The following HMGB1 variants were observed in gnomAD, a reference collection of about 807,000 sequenced individuals.
HMGB1 encodes the protein high mobility group box 1.
For synonymous variants in HMGB1, 81 were observed against 84.0 expected (o/e 0.96, Z 0.19); for missense variants, 79 against 253.5 (o/e 0.31, Z 4.67).
intron 1 of HMGB1, chr13:30,540,284 C>T (rs1330318393): frequency 1.2e-5 from 2 of 167,046 alleles, no homozygotes; most frequent in Non-Finnish European, 2.7e-5. Flanking sequence ...TCTCCTTTCA[C>T]CTAGCAGGAG....
At chr13:30,463,425 T>C in intron 2 of HMGB1, 73 bp from the exon 3 acceptor site, 1 of 1,529,362 alleles carries the variant, frequency 6.5e-7, no homozygotes, top group Non-Finnish European at 8.9e-7. Flanking sequence ...TGTCTTTTGC[T>C]ATGTAATAGC....
intron 1 of HMGB1, among the ~76,000 whole-genome samples, chr13:30,575,338 C>T (rs769230851): frequency 2.0e-5 from 3 of 152,160 alleles, no homozygotes; most frequent in South Asian, 2.1e-4. Context: ...CTATTGACTA[C>T]GCTGACCCCA....
chr13:30,502,638 A>ATTTT (rs1200148587), intron 1 of HMGB1, among the ~76,000 whole-genome samples: 113 of 57,466 alleles, frequency 2.0e-3, no homozygotes, highest in South Asian at 0.015. Flanking sequence ...ATTTTACTTT[A>ATTTT]CTTTATTTTA....
chr13:30,570,636 G>A (rs1025188801), intron 1 of HMGB1, among the ~76,000 whole-genome samples: 2 of 152,128 alleles, frequency 1.3e-5, no homozygotes, highest in African/African-American at 4.8e-5. Context: ...TCTTGTTTAA[G>A]CACTGTATTA....
At chr13:30,554,756 G>A in intron 1 of HMGB1, 2 of 768,718 alleles carry the variant, frequency 2.6e-6, no homozygotes, top group Middle Eastern at 3.6e-4. Context: ...AGAAGGTGCA[G>A]CAGATGAAAC....
At position 30,607,488 on chromosome 13, in the gene HMGB1, G is replaced by T. The variant is rs142950517; in HGVS notation, c.-15+9183C>A. Among the ~76,000 whole-genome samples the T allele has an allele frequency of 7.8e-3, 1,188 of 152,272 alleles. 20 individuals carry two copies. The highest frequency in any genetic ancestry group is 0.027 in the African/African-American group (1,137 of 41,532). On this transcript the variant is annotated intron_variant, in intron 1 of 4. Coordinates refer to the HMGB1 transcript ENST00000405805. Reference sequence around the variant, plus strand: ...GTGCCTTGCTTCCCCTTTGCCTTCTGCCATGATTTTAAGTTTCCTGAGGCC... The same window carrying T: ...GTGCCTTGCTTCCCCTTTGCCTTCTTCCATGATTTTAAGTTTCCTGAGGCC...
chr13:30,464,761 TTGTGTG>T (rs376284891), intron 1 of HMGB1: 71 of 164,488 alleles, frequency 4.3e-4, no homozygotes, highest in South Asian at 2.6e-3. Context: ...CTCCTTCCCT[TTGTGTG>T]TGTGTGTGTG....
chr13:30,596,738 C>T (rs970477425), intron 1 of HMGB1, among the ~76,000 whole-genome samples: 8 of 152,120 alleles, frequency 5.3e-5, no homozygotes, highest in Admixed American at 2.0e-4. Flanking sequence ...GGATACAGAA[C>T]GGAATACACT....
intron 1 of HMGB1, among the ~76,000 whole-genome samples, chr13:30,599,701 C>T (rs1045186395): frequency 1.4e-4 from 21 of 152,156 alleles, no homozygotes; most frequent in Non-Finnish European, 2.5e-4. Context: ...ATCCAAATTT[C>T]CTCTTCTTAT....
At chr13:30,615,957 G>A (rs1215870304) in intron 1 of HMGB1, among the ~76,000 whole-genome samples, 1 of 152,178 alleles carries the variant, frequency 6.6e-6, no homozygotes, top group African/African-American at 2.4e-5. Context: ...GACAAGCGAT[G>A]GACGCAATTA....
At chr13:30,572,999 C>A (rs374650174) in intron 1 of HMGB1, among the ~76,000 whole-genome samples, 5 of 152,268 alleles carry the variant, frequency 3.3e-5, no homozygotes, top group African/African-American at 1.2e-4. Flanking sequence ...TGTAAGCACA[C>A]CATCAGAATC....
intron 1 of HMGB1, among the ~76,000 whole-genome samples, chr13:30,495,856 G>C (rs1887599934): frequency 6.6e-6 from 1 of 152,132 alleles, no homozygotes; most frequent in South Asian, 2.1e-4. Context: ...CAGGCCTTGA[G>C]TCATTTCTCA....
rs138432140 is a variant in HMGB1 at position 30,588,777 on chromosome 13, A to T, written c.-15+27894T>A. ...ACTAAAAATACAGAAATTAGCCGTG[A>T]ATGATGGCTCGTGCCTGTAGTCCCA... is the stretch of plus-strand genomic sequence containing the variant. On this transcript the variant is annotated intron_variant, in intron 1 of 4. Coordinates refer to the HMGB1 transcript ENST00000405805. 5.3e-3 allele frequency among the ~76,000 whole-genome samples: 805 copies of T among 151,912 alleles called. 6 individuals are homozygous for T. The highest frequency in any genetic ancestry group is 0.017 in the African/African-American group (720 of 41,476).
chr13:30,605,098 T>C (rs1421069757), intron 1 of HMGB1, among the ~76,000 whole-genome samples: 2 of 152,148 alleles, frequency 1.3e-5, no homozygotes, highest in Non-Finnish European at 2.9e-5. Flanking sequence ...TGAGGAAGAA[T>C]GTGGAATAGC....
At chr13:30,505,657 C>G (rs113559317) in intron 1 of HMGB1, among the ~76,000 whole-genome samples, 10 of 152,060 alleles carry the variant, frequency 6.6e-5, no homozygotes, top group African/African-American at 2.4e-4. Context: ...TAGAGTATAA[C>G]GAAACCCCCT....
intron 1 of HMGB1, among the ~76,000 whole-genome samples, chr13:30,503,367 G>T (rs1281415299): frequency 6.6e-6 from 1 of 151,486 alleles, no homozygotes; most frequent in Non-Finnish European, 1.5e-5. Context: ...AAAAAGTTTA[G>T]GATAAATGCA....
chr13:30,465,487 ATTTT>A (rs937545833), intron 1 of HMGB1, among the ~76,000 whole-genome samples: 2 of 148,580 alleles, frequency 1.3e-5, no homozygotes, highest in Admixed American at 6.7e-5. Flanking sequence ...CACGTTCAAA[ATTTT>A]TTTAATTAAA....
At chr13:30,533,095 G>A (rs904829648) in intron 1 of HMGB1, among the ~76,000 whole-genome samples, 3 of 152,180 alleles carry the variant, frequency 2.0e-5, no homozygotes, top group East Asian at 1.9e-4. Context: ...CCCAAAACAC[G>A]TATTTTTTCC....
At chr13:30,587,893 T>C (rs1212957269) in intron 1 of HMGB1, among the ~76,000 whole-genome samples, 1 of 152,224 alleles carries the variant, frequency 6.6e-6, no homozygotes, top group Non-Finnish European at 1.5e-5. Context: ...ACAATACTCC[T>C]TCTAGAAGCT....
Sources: allele counts gnomAD v4.1 joint callset (sites outside exome capture counted in the v4.1 genomes callset), GRCh38; gene constraint gnomAD v4.1.1; transcripts MANE v1.5; gene names NCBI Gene and HGNC (gene_info 2026-07-23, HGNC 2026-07-21).